The following ONECUT1 variants were observed in gnomAD, a reference collection of about 807,000 sequenced individuals.
ONECUT1 encodes hepatocyte nuclear factor 6.
A neutral mutation model predicts 25.6 loss-of-function variants in ONECUT1; 12 were observed. That is an observed-to-expected ratio of 0.47 (90% CI 0.30 to 0.76). The LOEUF (loss-of-function observed/expected upper bound fraction) is 0.76, where lower values mean the gene tolerates loss of function less well. Among genes scored for constraint, ONECUT1 ranks in the 30% least tolerant of loss-of-function variants. The pLI, the probability that ONECUT1 is intolerant of heterozygous loss-of-function variation, is 0.07. For missense variants in ONECUT1, 620 were observed against 651.2 expected (o/e 0.95, Z 0.52); for synonymous variants, 285 against 270.2 (o/e 1.05, Z -0.54).
At chr15:52,766,811 G>A (rs1272652870) in intron 1 of ONECUT1, among the ~76,000 whole-genome samples, 1 of 152,198 alleles carries the variant, frequency 6.6e-6, no homozygotes. Flanking sequence ...CCTGCCCCCG[G>A]TCTGCTTCTC....
At chr15:52,774,449 C>A (rs140638996) in intron 1 of ONECUT1, among the ~76,000 whole-genome samples, 1,813 of 152,080 alleles carry the variant, frequency 0.012, 33 homozygotes, top group African/African-American at 0.042. Flanking sequence ...TACAGGCAAG[C>A]GCCACCATGC....
intron 1 of ONECUT1, among the ~76,000 whole-genome samples, chr15:52,777,981 G>A (rs1276561421): frequency 6.6e-6 from 1 of 152,188 alleles, no homozygotes; most frequent in Non-Finnish European, 1.5e-5. Context: ...TATGGGGCTA[G>A]AACCTGCTTA....
At chr15:52,774,315 T>A (rs11634963) in intron 1 of ONECUT1, among the ~76,000 whole-genome samples, 77,475 of 141,668 alleles carry the variant, frequency 0.55, 19,911 homozygotes, top group Non-Finnish European at 0.56. Context: ...TTATTTATTT[T>A]TTGAGACAGA....
At chr15:52,761,017 G>A (rs1207431542) in intron 1 of ONECUT1, among the ~76,000 whole-genome samples, 1 of 137,138 alleles carries the variant, frequency 7.3e-6, no homozygotes, top group Non-Finnish European at 1.6e-5. Context: ...CCACTCTGGG[G>A]TGGGGTGGGG....
At chr15:52,768,381 A>C (rs1050466719) in intron 1 of ONECUT1, among the ~76,000 whole-genome samples, 4 of 152,214 alleles carry the variant, frequency 2.6e-5, no homozygotes. Context: ...TTCTTTTAGA[A>C]TTCTAAATTC....
chr15:52,786,847 TG>T (rs1483838443), intron 1 of ONECUT1, among the ~76,000 whole-genome samples: 2 of 33,984 alleles, frequency 5.9e-5, no homozygotes, highest in Non-Finnish European at 1.3e-4. Flanking sequence ...GGGGCGGGGG[TG>T]GGGGATGGGG....
intron 1 of ONECUT1, among the ~76,000 whole-genome samples, chr15:52,777,737 C>CACACACACACACACAAAAA (rs57187579): frequency 1.9e-5 from 2 of 103,448 alleles, no homozygotes; most frequent in African/African-American, 8.9e-5. Flanking sequence ...CACACACACA[C>CACACACACACACACAAAAA]AAAAAAACAT....
chr15:52,762,409 A>G (rs116944506), intron 1 of ONECUT1, among the ~76,000 whole-genome samples: 2 of 152,184 alleles, frequency 1.3e-5, no homozygotes, highest in African/African-American at 4.8e-5. Flanking sequence ...CTGTTTCTCA[A>G]ATTTGTTTGA....
chr15:52,761,959 C>T (rs542163004), intron 1 of ONECUT1, among the ~76,000 whole-genome samples: 18 of 152,250 alleles, frequency 1.2e-4, no homozygotes, highest in African/African-American at 4.1e-4. Context: ...GGTGGTTGTA[C>T]AGCAGACAGC....
In ONECUT1 at chr15:52,756,211, T is replaced by C. The variant is rs1484443333; in HGVS notation, c.*1344A>G. ...TTTGTTGACGTCCAAGTCATAAAAT[T>C]TCTGGGATTGGCAATAAGTTAATTT... On this transcript the variant is annotated 3_prime_UTR_variant, in exon 2 of 2. Transcript: ENST00000305901. Among the ~76,000 whole-genome samples, 1 of 152,240 alleles carries C rather than the reference T, an allele frequency of 6.6e-6. No individual in the cohort carries two copies. Among genetic ancestry groups the C allele is most frequent in the African/African-American group, 2.4e-5 (1 of 41,464 alleles).
chr15:52,786,359 C>T (rs2083874896), intron 1 of ONECUT1, among the ~76,000 whole-genome samples: 1 of 152,262 alleles, frequency 6.6e-6, no homozygotes, highest in African/African-American at 2.4e-5. Context: ...TCCACCATCC[C>T]TTTTAAGTTA....
At chr15:52,785,460 C>T (rs2083868358) in intron 1 of ONECUT1, among the ~76,000 whole-genome samples, 1 of 152,198 alleles carries the variant, frequency 6.6e-6, no homozygotes, top group African/African-American at 2.4e-5. Context: ...CCTCCAAGTC[C>T]CGCAGGGCAG....
At chr15:52,786,608 C>A (rs1462888062) in intron 1 of ONECUT1, among the ~76,000 whole-genome samples, 1 of 152,268 alleles carries the variant, frequency 6.6e-6, no homozygotes, top group African/African-American at 2.4e-5. Context: ...CATGTTTGCG[C>A]CTCCAGCGTG....
At chr15:52,782,801 T>A (rs1261712160) in intron 1 of ONECUT1, among the ~76,000 whole-genome samples, 2 of 152,158 alleles carry the variant, frequency 1.3e-5, no homozygotes, top group Admixed American at 6.5e-5. Flanking sequence ...GGCTCCTAGA[T>A]TGATTTAAAA....
intron 1 of ONECUT1, among the ~76,000 whole-genome samples, chr15:52,782,300 G>A (rs1179668160): frequency 6.6e-6 from 1 of 152,164 alleles, no homozygotes; most frequent in Non-Finnish European, 1.5e-5. Flanking sequence ...TTTTATGTTT[G>A]TATCAAAATA....
chr15:52,789,971 C>A lies in ONECUT1; in HGVS notation c.-87G>T, dbSNP rs1183288172. 6.3e-6 allele frequency: 9 copies of A among 1,432,218 alleles called. No individual in the cohort carries two copies. The highest frequency in any genetic ancestry group is 1.9e-4 in the Middle Eastern group (1 of 5,226). 88.7% of individuals were successfully genotyped at this position (1,432,218 alleles called of 1,614,324 possible). A position where few individuals can be genotyped will look rare whatever the true frequency, so the allele number is the denominator to read the frequency against. ...GGCGCACGGAGTCCGGTCTTCACAT[C>A]GGCTGCTGGCGACTGTTGCCTTCCT... On this transcript the variant is annotated 5_prime_UTR_variant, in exon 1 of 2. Coordinates refer to ENST00000305901, the MANE Select transcript of ONECUT1 (RefSeq NM_004498.4). The surrounding 1 kb of genome is among the most constrained non-coding windows in gnomAD (Gnocchi z 4.1).
intron 1 of ONECUT1, among the ~76,000 whole-genome samples, chr15:52,760,961 G>A (rs976006777): frequency 9.4e-6 from 1 of 106,364 alleles, no homozygotes; most frequent in African/African-American, 3.6e-5. Context: ...CTGCTGGAAG[G>A]GTTGGTGACA....
At chr15:52,765,561 A>G (rs2083729537) in intron 1 of ONECUT1, among the ~76,000 whole-genome samples, 1 of 130,764 alleles carries the variant, frequency 7.6e-6, no homozygotes, top group Non-Finnish European at 1.6e-5. Flanking sequence ...AAATAAACAG[A>G]TTTCAGTAAA....
At chr15:52,767,711 A>G (rs1448546561) in intron 1 of ONECUT1, among the ~76,000 whole-genome samples, 3 of 152,230 alleles carry the variant, frequency 2.0e-5, no homozygotes, top group African/African-American at 7.2e-5. Context: ...TTTGATTTCT[A>G]TCAGTATATG....
Sources: gnomAD v4.1 joint callset for allele counts (sites outside exome capture counted in the v4.1 genomes callset) on GRCh38, gnomAD v4.1.1 for gene constraint, Gnocchi (gnomAD v3.1) non-coding constraint, MANE v1.5 for transcripts, NCBI Gene and HGNC (gene_info 2026-07-23, HGNC 2026-07-21) for gene names.